Variants in PDK1 observed in about 807,000 individuals in gnomAD.
PDK1 encodes the protein [Pyruvate dehydrogenase (acetyl-transferring)] kinase isozyme 1, mitochondrial.
Under a neutral mutation model 54.2 loss-of-function variants are expected in PDK1, and 39 were observed. That is an observed-to-expected ratio of 0.72 (90% CI 0.56 to 0.94). The LOEUF (loss-of-function observed/expected upper bound fraction) is 0.94, where lower values mean the gene tolerates loss of function less well. Ranked by LOEUF, PDK1 falls within the 40% of genes least tolerant of loss-of-function variation. The pLI is 0.00. For missense variants in PDK1, 552 were observed against 566.0 expected, an observed-to-expected ratio of 0.98 and a Z score of 0.25; for synonymous variants, 221 against 207.1, an observed-to-expected ratio of 1.07 and a Z score of -0.58.
At chr2:172,609,821 T>TTTTTG (rs1371015191), downstream of PDK1, among the ~76,000 whole-genome samples, 361 of 152,236 alleles carry the variant, frequency 2.4e-3, no homozygotes, top group African/African-American at 8.3e-3. Flanking sequence ...CTCACTACTT[T>TTTTTG]TTTTGTTTTG....
the PDK1 span, among the ~76,000 whole-genome samples, chr2:172,697,585 A>C: frequency 6.6e-6 from 1 of 152,194 alleles, no homozygotes; most frequent in African/African-American, 2.4e-5. Context: ...TCCAGTTAAA[A>C]TACAGTCCTC....
At chr2:172,616,479 C>A in the PDK1 span, among the ~76,000 whole-genome samples, 2 of 152,174 alleles carry the variant, frequency 1.3e-5, no homozygotes, top group East Asian at 1.9e-4. Context: ...ACTAAAAAAA[C>A]CAACACGAAC....
At chr2:172,632,209 G>A in the PDK1 span, among the ~76,000 whole-genome samples, 1 of 151,894 alleles carries the variant, frequency 6.6e-6, no homozygotes, top group Non-Finnish European at 1.5e-5. Context: ...GGAGATTGCA[G>A]TGAGCTGAGA....
intron 8 of PDK1, among the ~76,000 whole-genome samples, chr2:172,574,657 C>G (rs1266253664): frequency 6.6e-6 from 1 of 151,988 alleles, no homozygotes; most frequent in East Asian, 1.9e-4. Flanking sequence ...AAATTTATTC[C>G]TAAGTATTTT....
the PDK1 span, among the ~76,000 whole-genome samples, chr2:172,665,785 A>T: frequency 6.6e-6 from 1 of 152,224 alleles, no homozygotes; most frequent in African/African-American, 2.4e-5. Flanking sequence ...TCAAACAGAC[A>T]TAAGCAGCAA....
the PDK1 span, among the ~76,000 whole-genome samples, chr2:172,691,797 T>C: frequency 1.3e-5 from 2 of 152,248 alleles, no homozygotes; most frequent in African/African-American, 4.8e-5. Context: ...TGTACCACAG[T>C]TTATGTATTC....
At chr2:172,633,805 C>T in the PDK1 span, among the ~76,000 whole-genome samples, 77 of 149,880 alleles carry the variant, frequency 5.1e-4, 1 homozygote, top group Middle Eastern at 6.9e-3. Context: ...TCTGATATCT[C>T]ACCTTCCCAG....
chr2:172,674,621 G>C, the PDK1 span: 1 of 152,316 alleles, frequency 6.6e-6, no homozygotes, highest in Admixed American at 6.5e-5. Flanking sequence ...TGTGGATGCA[G>C]GTTCCTTTCC....
At position 172,606,824 on chromosome 2, in the gene PDK1, A is replaced by G. The variant is rs905660953; in HGVS notation, c.*10855A>G. ...AAAGTGTAATTCAGTGTCATTCAGT[A>G]CATCCACAATGTGCAATCACCACCT... is the stretch of plus-strand genomic sequence containing the variant. On this transcript the variant is annotated 3_prime_UTR_variant, in exon 11 of 11. Transcript: ENST00000282077. The G allele has an allele frequency of 3.3e-5, 5 of 151,784 alleles. No individual in the cohort carries two copies. The highest frequency in any genetic ancestry group is 3.3e-4 in the Admixed American group (5 of 15,228). The allele number at this position is 151,784 out of a possible 1,614,324, so 9.4% of individuals were successfully genotyped here.
the PDK1 span, among the ~76,000 whole-genome samples, chr2:172,694,452 C>A: frequency 6.6e-6 from 1 of 152,190 alleles, no homozygotes; most frequent in African/African-American, 2.4e-5. Flanking sequence ...AGAAAAAAAT[C>A]AATTCCTGCC....
At chr2:172,571,246 G>A (rs1689240226) in intron 8 of PDK1, among the ~76,000 whole-genome samples, 3 of 152,132 alleles carry the variant, frequency 2.0e-5, no homozygotes, top group South Asian at 4.1e-4. Context: ...TACAGGTGTG[G>A]AGACTAAGAC....
the PDK1 span, among the ~76,000 whole-genome samples, chr2:172,646,114 C>A: frequency 3.0e-4 from 45 of 152,256 alleles, no homozygotes; most frequent in African/African-American, 1.0e-3. Flanking sequence ...TTATAATTTA[C>A]TGAAGGGTTT....
the PDK1 span, among the ~76,000 whole-genome samples, chr2:172,621,406 TTGAACA>T: frequency 6.6e-6 from 1 of 152,030 alleles, no homozygotes; most frequent in Non-Finnish European, 1.5e-5. Flanking sequence ...CTTCCTGCCC[TTGAACA>T]TCGGACACCA....
chr2:172,676,254 T>G, the PDK1 span, among the ~76,000 whole-genome samples: 1 of 152,156 alleles, frequency 6.6e-6, no homozygotes, highest in African/African-American at 2.4e-5. Context: ...GACTCTCAAG[T>G]CTTATTTGAG....
chr2:172,583,292 T>G (rs975967165), intron 8 of PDK1, among the ~76,000 whole-genome samples: 2 of 131,038 alleles, frequency 1.5e-5, no homozygotes, highest in African/African-American at 3.1e-5. Context: ...TTTTTTTTTT[T>G]TTTTTTTTTT....
the PDK1 span, among the ~76,000 whole-genome samples, chr2:172,630,519 A>G: frequency 7.1e-4 from 108 of 152,334 alleles, no homozygotes; most frequent in East Asian, 2.5e-3. Flanking sequence ...AGAAAGCTCT[A>G]TCTTCTCCCA....
chr2:172,660,217 T>C, the PDK1 span, among the ~76,000 whole-genome samples: 2 of 146,870 alleles, frequency 1.4e-5, no homozygotes, highest in Admixed American at 6.9e-5. Context: ...TGTATCGATC[T>C]ATGTAAAATT....
the PDK1 span, among the ~76,000 whole-genome samples, chr2:172,712,840 G>C: frequency 6.6e-6 from 1 of 152,220 alleles, no homozygotes; most frequent in African/African-American, 2.4e-5. Flanking sequence ...CATTCAGCAG[G>C]TCCCAAGTTC....
Position 172,587,432 on chromosome 2 carries a change from G to GT in PDK1, c.1056+1045dup, listed in dbSNP as rs1690302825. Among the ~76,000 whole-genome samples, 2 of 152,080 alleles carry GT rather than the reference G, an allele frequency of 1.3e-5. 1 individual carries two copies. The highest frequency in any genetic ancestry group is 2.9e-5 in the Non-Finnish European group (2 of 68,026). The stretch of plus-strand genomic sequence containing the variant: ...AGGAGTGAAGCTGCAGACCTTTGTG[G>GT]TGAGTGTTGCAGCTCATAAAGGTGG... On this transcript the variant is annotated intron_variant, in intron 9 of 10. Coordinates refer to ENST00000282077, the MANE Select transcript of PDK1 (RefSeq NM_002610.5).
Sources: allele counts gnomAD v4.1 joint callset (sites outside exome capture counted in the v4.1 genomes callset), GRCh38; gene constraint gnomAD v4.1.1; transcripts MANE v1.5; gene names NCBI Gene and HGNC (gene_info 2026-07-23, HGNC 2026-07-21).